The following WWOX variants were observed in gnomAD, a reference collection of about 807,000 sequenced individuals.
The protein encoded by WWOX is WW domain containing oxidoreductase, also known as WW domain-containing oxidoreductase.
Under a neutral mutation model 46.2 loss-of-function variants are expected in WWOX, and 69 were observed. That is an observed-to-expected ratio of 1.49 (90% confidence interval 1.23 to 1.82). The LOEUF is 1.82. Ranked by LOEUF, WWOX falls within the 40% of genes most tolerant of loss-of-function variation. The pLI is 0.00. For synonymous variants in WWOX, 359 were observed against 202.6 expected (o/e 1.77, Z -6.56); for missense variants, 919 against 542.6 (o/e 1.69, Z -6.89).
At chr16:78,808,830 C>T (rs2051109972) in intron 8 of WWOX, among the ~76,000 whole-genome samples, 1 of 152,078 alleles carries the variant, frequency 6.6e-6, no homozygotes, top group African/African-American at 2.4e-5. Flanking sequence ...TTATGTCCAC[C>T]CATCAACCTC....
intron 5 of WWOX, among the ~76,000 whole-genome samples, chr16:78,288,763 A>G (rs1413391428): frequency 2.0e-5 from 3 of 152,146 alleles, no homozygotes; most frequent in African/African-American, 7.2e-5. Flanking sequence ...AATGGGTCAT[A>G]ATTTATAGGC....
chr16:78,319,703 G>T (rs1355130410), intron 5 of WWOX, among the ~76,000 whole-genome samples: 1 of 152,132 alleles, frequency 6.6e-6, no homozygotes, highest in Non-Finnish European at 1.5e-5. Context: ...TATCACATGC[G>T]TAGGTTCATT....
chr16:78,726,780 G>T (rs1173344554), intron 8 of WWOX, among the ~76,000 whole-genome samples: 1 of 151,832 alleles, frequency 6.6e-6, no homozygotes, highest in African/African-American at 2.4e-5. Context: ...GGTGAGAGTT[G>T]CATGGGGCAA....
chr16:78,337,749 TCCCTGTACTCCAAGA>T lies in WWOX; in HGVS notation c.517-49110_517-49096del, dbSNP rs2080926273. On this transcript the variant is annotated intron_variant, in intron 5 of 8. Coordinates refer to ENST00000566780, the MANE Select transcript of WWOX (RefSeq NM_016373.4). Reference sequence around the variant, plus strand: ...GGATCTCAGTGCTCAGAATGAAATATCCCTGTACTCCAAGATGCCTCCAGCAATTATAATTGAATC... The same window carrying T: ...GGATCTCAGTGCTCAGAATGAAATATTGCCTCCAGCAATTATAATTGAATC... 1.2e-4 allele frequency among the ~76,000 whole-genome samples: 7 copies of T among 56,160 alleles called. 2 individuals carry two copies. The highest frequency in any genetic ancestry group is 2.9e-4 in the Non-Finnish European group (5 of 17,524). 36.8% of individuals were successfully genotyped at this position (56,160 alleles called of 152,430 possible).
chr16:78,182,249 G>A (rs1459565900), intron 5 of WWOX, among the ~76,000 whole-genome samples: 1 of 152,152 alleles, frequency 6.6e-6, no homozygotes, highest in Admixed American at 6.5e-5. Flanking sequence ...GTTCATGATG[G>A]TACCCGAGTA....
At chr16:79,117,969 T>G (rs1317751641) in intron 8 of WWOX, among the ~76,000 whole-genome samples, 1 of 152,248 alleles carries the variant, frequency 6.6e-6, no homozygotes, top group African/African-American at 2.4e-5. Context: ...GCTGTTTTGG[T>G]TTCTATCATT....
intron 8 of WWOX, among the ~76,000 whole-genome samples, chr16:79,024,321 C>G (rs939060974): frequency 3.3e-5 from 5 of 152,194 alleles, no homozygotes; most frequent in African/African-American, 4.8e-5. Context: ...TGCAGTGGCA[C>G]AGTCACAGCT....
intron 5 of WWOX, among the ~76,000 whole-genome samples, chr16:78,243,935 C>T (rs557989413): frequency 6.5e-4 from 99 of 152,338 alleles, no homozygotes; most frequent in African/African-American, 2.3e-3. Context: ...TCTCTTCCCG[C>T]ATTAATTCAT....
chr16:79,141,121 G>C (rs1357469211), intron 8 of WWOX, among the ~76,000 whole-genome samples: 1 of 152,142 alleles, frequency 6.6e-6, no homozygotes, highest in Non-Finnish European at 1.5e-5. Context: ...TCACCCCTCT[G>C]TTCACTGAGA....
chr16:78,145,962 A>G (rs1383516775), intron 4 of WWOX: 5 of 152,216 alleles, frequency 3.3e-5, no homozygotes, highest in African/African-American at 4.8e-5. Flanking sequence ...TTCTCTTCCA[A>G]GAAATTGTTT....
At chr16:78,401,113 A>G (rs1597169409) in intron 6 of WWOX, among the ~76,000 whole-genome samples, 1 of 152,186 alleles carries the variant, frequency 6.6e-6, no homozygotes, top group Admixed American at 6.5e-5. Context: ...AGCCATGTCC[A>G]GCTGCCTTGT....
At chr16:78,999,761 A>T (rs1005476366) in intron 8 of WWOX, among the ~76,000 whole-genome samples, 7 of 152,192 alleles carry the variant, frequency 4.6e-5, no homozygotes, top group African/African-American at 1.7e-4. Context: ...GTTAGGTGCC[A>T]TGTTCACTAT....
chr16:79,173,296 G>A (rs1170090957), intron 8 of WWOX, among the ~76,000 whole-genome samples: 1 of 151,930 alleles, frequency 6.6e-6, no homozygotes, highest in African/African-American at 2.4e-5. Context: ...CATGTGCCAT[G>A]TGCCATGTGC....
chr16:78,475,212 A>C (rs2084324429), intron 8 of WWOX, among the ~76,000 whole-genome samples: 1 of 152,188 alleles, frequency 6.6e-6, no homozygotes, highest in South Asian at 2.1e-4. Flanking sequence ...CATAATGTGG[A>C]CATCATTGAT....
intron 8 of WWOX, among the ~76,000 whole-genome samples, chr16:78,837,408 G>C (rs1410903116): frequency 1.3e-5 from 2 of 152,140 alleles, no homozygotes; most frequent in African/African-American, 4.8e-5. Context: ...ATTGCATCAA[G>C]GCAATTCACG....
intron 1 of WWOX, among the ~76,000 whole-genome samples, chr16:78,107,297 A>G (rs1202601966): frequency 6.6e-6 from 1 of 152,164 alleles, no homozygotes; most frequent in African/African-American, 2.4e-5. Flanking sequence ...GTTTCTAGTT[A>G]TTGACCTATG....
chr16:78,781,005 C>A (rs932973501), intron 8 of WWOX, among the ~76,000 whole-genome samples: 37 of 152,132 alleles, frequency 2.4e-4, no homozygotes, highest in Non-Finnish European at 5.9e-5. Flanking sequence ...GAAGGAGTGC[C>A]GTGACTCCTC....
intron 8 of WWOX, among the ~76,000 whole-genome samples, chr16:78,459,739 T>C (rs1361084486): frequency 6.6e-6 from 1 of 152,206 alleles, no homozygotes; most frequent in Non-Finnish European, 1.5e-5. Context: ...CATGTTTGCA[T>C]TTACATTCAG....
intron 5 of WWOX, among the ~76,000 whole-genome samples, chr16:78,223,635 C>G (rs147596869): frequency 2.4e-3 from 369 of 152,252 alleles, no homozygotes; most frequent in African/African-American, 8.6e-3. Flanking sequence ...TCTTGGGAAG[C>G]AAGAGGATGG....
Sources: allele counts gnomAD v4.1 joint callset (sites outside exome capture counted in the v4.1 genomes callset), GRCh38; gene constraint gnomAD v4.1.1; transcripts MANE v1.5; gene names NCBI Gene and HGNC (gene_info 2026-07-23, HGNC 2026-07-21).